CNTNAP2: variants seen among roughly 807,000 people sequenced by gnomAD.
The protein encoded by CNTNAP2 is contactin associated protein 2.
Under a neutral mutation model 155.2 loss-of-function variants are expected in CNTNAP2, and 98 were observed. The observed-to-expected ratio is 0.63, with a 90% CI of 0.54 to 0.75. The LOEUF (loss-of-function observed/expected upper bound fraction) is 0.75. Ranked by LOEUF, CNTNAP2 falls within the 30% of genes least tolerant of loss-of-function variation. CNTNAP2 has a pLI of 0.00. For synonymous variants in CNTNAP2, 651 were observed against 631.2 expected (o/e 1.03, Z -0.47); for missense variants, 1,727 against 1,688.1 (o/e 1.02, Z -0.40).
chr7:146,953,280 A>T (rs377507783), intron 3 of CNTNAP2, among the ~76,000 whole-genome samples: 38 of 152,140 alleles, frequency 2.5e-4, no homozygotes, highest in African/African-American at 9.1e-4. Flanking sequence ...AAAGTTACCA[A>T]ACTATAGTAG....
At chr7:147,192,910 C>G (rs1409431892) in intron 8 of CNTNAP2, among the ~76,000 whole-genome samples, 1 of 152,164 alleles carries the variant, frequency 6.6e-6, no homozygotes, top group Admixed American at 6.5e-5. Flanking sequence ...GCGCAACTTA[C>G]TGGTTTTACC....
chr7:148,157,571 C>CAAAAA (rs60716582), intron 17 of CNTNAP2, among the ~76,000 whole-genome samples: 6 of 111,226 alleles, frequency 5.4e-5, no homozygotes, highest in African/African-American at 2.2e-4. Context: ...GCAGAAGCAG[C>CAAAAA]AAAAAAAAAA....
At chr7:147,807,128 A>G (rs1288950609) in intron 13 of CNTNAP2, among the ~76,000 whole-genome samples, 1 of 151,946 alleles carries the variant, frequency 6.6e-6, no homozygotes, top group Non-Finnish European at 1.5e-5. Flanking sequence ...AGTGGGCACC[A>G]TAATGAGACC....
intron 14 of CNTNAP2, among the ~76,000 whole-genome samples, chr7:147,948,862 T>C (rs147696872): frequency 4.1e-4 from 63 of 152,198 alleles, no homozygotes; most frequent in Middle Eastern, 3.4e-3. Context: ...ATGTATATTA[T>C]ATATTGTAAT....
At chr7:147,758,314 C>A (rs1797247744) in intron 13 of CNTNAP2, among the ~76,000 whole-genome samples, 1 of 152,158 alleles carries the variant, frequency 6.6e-6, no homozygotes, top group Non-Finnish European at 1.5e-5. Context: ...TAAAAGATTA[C>A]TGATAATGTC....
At chr7:148,244,929 ATAG>A (rs1489305526) in intron 20 of CNTNAP2, among the ~76,000 whole-genome samples, 2 of 152,068 alleles carry the variant, frequency 1.3e-5, no homozygotes, top group African/African-American at 4.8e-5. Context: ...TAGATTACAT[ATAG>A]TAGTCTATAT....
intron 3 of CNTNAP2, among the ~76,000 whole-genome samples, chr7:146,902,199 T>G (rs1312142389): frequency 6.6e-6 from 1 of 152,134 alleles, no homozygotes; most frequent in Non-Finnish European, 1.5e-5. Context: ...CTCCATTTTT[T>G]ACTTTATCTT....
intron 1 of CNTNAP2, among the ~76,000 whole-genome samples, chr7:146,312,403 G>A (rs1328663295): frequency 6.6e-6 from 1 of 151,776 alleles, no homozygotes. Flanking sequence ...AGGCTTTGGT[G>A]TGTTGGCGAT....
Position 147,395,625 on chromosome 7 carries a change from G to A in CNTNAP2, c.1515G>A (p.Met505Ile), listed in dbSNP as rs372161542. The change falls in exon 10 of 24, where the codon ATG becomes ATA. Residue 505 changes from methionine to isoleucine, a missense_variant. By Grantham distance (10) the Met-to-Ile change is conservative (BLOSUM62 1). Transcript: ENST00000361727. ...GTTTCACAGGTTTTCTGAACCAGATGAATAACTCAAGTCACTCTGTCCTTC... is the reference window on the plus strand; with the variant it reads ...GTTTCACAGGTTTTCTGAACCAGATAAATAACTCAAGTCACTCTGTCCTTC... ...KYFFGGFLNQ[M>I]NNSSHSVLQP... is the part of the protein sequence containing the mutation. The A allele has an allele frequency of 1.9e-6, 3 of 1,611,982 alleles. No individual in the cohort carries two copies. The highest frequency in any genetic ancestry group is 2.5e-6 in the Non-Finnish European group (3 of 1,178,448).
chr7:148,041,862 A>AT (rs1802682853), intron 15 of CNTNAP2, among the ~76,000 whole-genome samples: 1 of 152,206 alleles, frequency 6.6e-6, no homozygotes, highest in Non-Finnish European at 1.5e-5. Flanking sequence ...ACCTCCACGG[A>AT]ATATATACAA....
intron 8 of CNTNAP2, among the ~76,000 whole-genome samples, chr7:147,231,970 C>A (rs1040847324): frequency 6.6e-6 from 1 of 151,980 alleles, no homozygotes; most frequent in Admixed American, 6.6e-5. Context: ...TGTTTATTTG[C>A]GCTTTTGTTG....
chr7:148,196,009 T>A (rs1795271472), intron 18 of CNTNAP2, among the ~76,000 whole-genome samples: 1 of 152,242 alleles, frequency 6.6e-6, no homozygotes, highest in Non-Finnish European at 1.5e-5. Flanking sequence ...CAAGTCAACA[T>A]TTGACCTGTC....
intron 13 of CNTNAP2, among the ~76,000 whole-genome samples, chr7:147,817,129 A>C (rs935333895): frequency 3.9e-5 from 6 of 152,200 alleles, no homozygotes; most frequent in African/African-American, 1.4e-4. Flanking sequence ...GACTACTGAC[A>C]CAGTTTCTGC....
chr7:147,601,644 A>AAAAAATATATAT (rs1299075338), intron 12 of CNTNAP2, among the ~76,000 whole-genome samples: 5 of 87,464 alleles, frequency 5.7e-5, no homozygotes, highest in Admixed American at 4.4e-4. Context: ...CTTAAAAAAA[A>AAAAAATATATAT]ATATATATAT....
intron 15 of CNTNAP2, among the ~76,000 whole-genome samples, chr7:148,081,905 G>A (rs1803613996): frequency 1.3e-5 from 2 of 152,262 alleles, no homozygotes. Context: ...GGAAAGGCGA[G>A]TAACCAGATA....
intron 9 of CNTNAP2, among the ~76,000 whole-genome samples, chr7:147,363,259 A>G (rs1010113222): frequency 6.6e-6 from 1 of 152,220 alleles, no homozygotes; most frequent in Non-Finnish European, 1.5e-5. Flanking sequence ...GATACTGTCA[A>G]CAAGCCGGAA....
intron 2 of CNTNAP2, among the ~76,000 whole-genome samples, chr7:146,825,800 A>G (rs1478951986): frequency 6.6e-6 from 1 of 152,052 alleles, no homozygotes; most frequent in African/African-American, 2.4e-5. Context: ...CATTGTATAG[A>G]CAGTACATTT....
At chr7:147,193,328 A>G (rs564172398) in intron 8 of CNTNAP2, among the ~76,000 whole-genome samples, 76 of 152,218 alleles carry the variant, frequency 5.0e-4, no homozygotes, top group Non-Finnish European at 9.8e-4. Context: ...GGTCTGTCTA[A>G]GCCTGTCGAA....
intron 10 of CNTNAP2, among the ~76,000 whole-genome samples, chr7:147,481,837 G>A (rs567996000): frequency 6.6e-6 from 1 of 152,114 alleles, no homozygotes; most frequent in African/African-American, 2.4e-5. Context: ...CATTTTTGAT[G>A]TGAACCAAAC....
Sources: allele counts gnomAD v4.1 joint callset (sites outside exome capture counted in the v4.1 genomes callset), GRCh38; gene constraint gnomAD v4.1.1; transcripts MANE v1.5; gene names NCBI Gene and HGNC (gene_info 2026-07-23, HGNC 2026-07-21).